RP1: variants seen among roughly 807,000 people sequenced by gnomAD.
The protein encoded by RP1 is RP1 axonemal microtubule associated.
In RP1, 16 loss-of-function variants were observed where a neutral mutation model predicts 14.8. That is an observed-to-expected ratio of 1.08 (90% CI 0.73 to 1.65). RP1 has a LOEUF of 1.65. Ranked by LOEUF, RP1 falls within the 40% of genes most tolerant of loss-of-function variation. RP1 has a pLI of 0.00. For missense variants in RP1, 2,631 were observed against 2,535.0 expected (o/e 1.04, Z -0.81); for synonymous variants, 876 against 883.6 (o/e 0.99, Z 0.15).
At chr8:54,604,874 C>T (rs539384230) in intron 1 of RP1, among the ~76,000 whole-genome samples, 47 of 152,230 alleles carry the variant, frequency 3.1e-4, no homozygotes, top group African/African-American at 9.2e-4. Context: ...TCTGTGGGAT[C>T]GGCGGTGATA....
At chr8:54,824,332 A>G (rs958406265) in intron 24 of RP1, among the ~76,000 whole-genome samples, 1 of 152,174 alleles carries the variant, frequency 6.6e-6, no homozygotes. Flanking sequence ...TCCTCAAAAA[A>G]ACAAACGAGT....
chr8:54,808,721 T>C (rs1273430937), intron 24 of RP1, among the ~76,000 whole-genome samples: 1 of 152,234 alleles, frequency 6.6e-6, no homozygotes, highest in African/African-American at 2.4e-5. Context: ...ATGTTACTCC[T>C]GCACGGGTAT....
At chr8:54,815,484 A>G (rs1451155894) in intron 24 of RP1, among the ~76,000 whole-genome samples, 1 of 152,232 alleles carries the variant, frequency 6.6e-6, no homozygotes, top group Non-Finnish European at 1.5e-5. Context: ...GATTTGCTGT[A>G]CTCCAGACAA....
At chr8:54,729,917 T>C (rs935313066) in intron 17 of RP1, among the ~76,000 whole-genome samples, 1 of 152,100 alleles carries the variant, frequency 6.6e-6, no homozygotes, top group African/African-American at 2.4e-5. Context: ...CTTGTTGTAA[T>C]TTTTGTGTCC....
chr8:54,802,945 A>G (rs1208906244), intron 24 of RP1, among the ~76,000 whole-genome samples: 1 of 152,052 alleles, frequency 6.6e-6, no homozygotes, highest in East Asian at 1.9e-4. Context: ...TGTTCTATAG[A>G]AGCAAGGTAG....
chr8:54,776,652 G>T (rs866691909), intron 23 of RP1, among the ~76,000 whole-genome samples: 9 of 152,204 alleles, frequency 5.9e-5, no homozygotes, highest in African/African-American at 1.7e-4. Context: ...GCAATAGGAC[G>T]TGGAAGAGGT....
intron 1 of RP1, among the ~76,000 whole-genome samples, chr8:54,584,072 A>G (rs565332141): frequency 1.3e-5 from 2 of 151,956 alleles, no homozygotes; most frequent in East Asian, 3.9e-4. Context: ...TTGCTTCTCT[A>G]GTTCTTTTAA....
chr8:54,597,811 T>C (rs1805182452), intron 1 of RP1, among the ~76,000 whole-genome samples: 1 of 152,174 alleles, frequency 6.6e-6, no homozygotes, highest in Non-Finnish European at 1.5e-5. Context: ...GAAGATAGAT[T>C]AGTGGTTGCT....
rs1036717065 is a variant in RP1, at chr8:54,586,519, A to C, written c.-13+27199A>C. Among the ~76,000 whole-genome samples the C allele has an allele frequency of 2.0e-5, 3 of 152,194 alleles. 1 individual carries two copies. Among genetic ancestry groups the C allele is most frequent in the South Asian group, 4.1e-4 (2 of 4,826 alleles). On this transcript the variant is annotated intron_variant, in intron 1 of 22. Transcript: ENST00000636932. ...TGCTGGGAGAACCACTAGTCTCTTC[A>C]AAGCTGTCAGACAGGGACATTTAAG...
chr8:54,635,881 C>T (rs531314267), intron 3 of RP1, among the ~76,000 whole-genome samples: 1 of 152,194 alleles, frequency 6.6e-6, no homozygotes, highest in Non-Finnish European at 1.5e-5. Flanking sequence ...GGATAATGTC[C>T]ACAGAGCTTA....
At chr8:54,803,656 GA>G (rs35845983) in intron 24 of RP1, among the ~76,000 whole-genome samples, 1 of 151,962 alleles carries the variant, frequency 6.6e-6, no homozygotes, top group Non-Finnish European at 1.5e-5. Flanking sequence ...ATTATGTAGT[GA>G]AAAAAGGTAA....
intron 12 of RP1, among the ~76,000 whole-genome samples, chr8:54,693,742 T>G (rs1433636025): frequency 1.3e-5 from 2 of 152,206 alleles, no homozygotes; most frequent in African/African-American, 4.8e-5. Flanking sequence ...GTTTTCTAGA[T>G]ATACAATCAT....
exon 25 of RP1, chr8:54,837,628 A>G (rs1240148844): frequency 8.1e-7 from 1 of 1,232,080 alleles, no homozygotes; most frequent in Non-Finnish European, 1.0e-6. Flanking sequence ...GATCTATGGA[A>G]GGAAATACCC....
chr8:54,627,071 A>G lies in RP1; in HGVS notation c.3189A>G (p.Gln1063=), dbSNP rs1433964377. 1 of 1,614,076 alleles carries G rather than the reference A, an allele frequency of 6.2e-7. No homozygotes were observed. Among genetic ancestry groups the G allele is most frequent in the South Asian group, 1.1e-5 (1 of 91,074 alleles). Reference sequence around the variant, plus strand: ...AAATAAACCTAGCTAGAAAAAGGCAAAGTGTAGAGGCTGCCATTCAAGTAG... The same window carrying G: ...AAATAAACCTAGCTAGAAAAAGGCAGAGTGTAGAGGCTGCCATTCAAGTAG... The part of the protein sequence containing the change: ...YQEINLARKR[Q]SVEAAIQVDP... Residue 1063 remains glutamine (Q), a synonymous_variant, in exon 4 of 4, where the codon CAA becomes CAG. Transcript: ENST00000220676.
intron 18 of RP1, among the ~76,000 whole-genome samples, chr8:54,738,270 CA>C (rs1397786845): frequency 1.3e-5 from 2 of 152,116 alleles, no homozygotes; most frequent in Admixed American, 6.5e-5. Flanking sequence ...ACTCAGTTTA[CA>C]AAAACATATT....
In RP1 at chr8:54,629,086, T is replaced by C; in HGVS notation, c.5204T>C (p.Ile1735Thr). 1 of 1,614,058 alleles carries C rather than the reference T, an allele frequency of 6.2e-7. No individual in the cohort carries two copies. ...GATGATAGCAGAATCCTCACAGACA[T>C]AGAGGAAGGAGTACTGATTGACAAA... ...QNDDSRILTD[I>T]EEGVLIDKGK... The change falls in exon 4 of 4, where the codon ATA becomes ACA. Residue 1735 changes from isoleucine (I) to threonine (T), a missense_variant. Coordinates refer to ENST00000220676, the MANE Select transcript of RP1 (RefSeq NM_006269.2).
At chr8:54,825,906 CAA>C (rs60097707) in intron 24 of RP1, among the ~76,000 whole-genome samples, 3,562 of 145,728 alleles carry the variant, frequency 0.024, 157 homozygotes, top group African/African-American at 0.085. Flanking sequence ...CCTGTCTCCA[CAA>C]AAAAAAAAAA....
intron 1 of RP1, among the ~76,000 whole-genome samples, chr8:54,575,153 G>A (rs1804613497): frequency 6.6e-6 from 1 of 152,150 alleles, no homozygotes; most frequent in Non-Finnish European, 1.5e-5. Flanking sequence ...TTGAAGCAGA[G>A]GGTGGATACT....
At chr8:54,824,917 G>A (rs1015922726) in intron 24 of RP1, among the ~76,000 whole-genome samples, 6 of 151,698 alleles carry the variant, frequency 4.0e-5, no homozygotes, top group African/African-American at 1.2e-4. Context: ...ACTTGACAAA[G>A]AGCATCTACA....
Sources: allele counts gnomAD v4.1 joint callset (sites outside exome capture counted in the v4.1 genomes callset), GRCh38; gene constraint gnomAD v4.1.1; transcripts MANE v1.5; gene names NCBI Gene and HGNC (gene_info 2026-07-23, HGNC 2026-07-21).